Variants in PPARG observed in about 807,000 individuals in gnomAD.
The protein encoded by PPARG is peroxisome proliferator-activated receptor gamma.
Under a neutral mutation model 39.2 loss-of-function variants are expected in PPARG, and 17 were observed. That is an observed-to-expected ratio of 0.43 (90% CI 0.30 to 0.65). The LOEUF (loss-of-function observed/expected upper bound fraction) is 0.65, where lower values mean the gene tolerates loss of function less well. PPARG is among the 30% of genes least tolerant of loss of function. The probability of loss-of-function intolerance (pLI) is 0.13; values close to 1 mark genes in which losing one functional copy is unlikely to be tolerated. For synonymous variants in PPARG, 223 were observed against 215.7 expected, an observed-to-expected ratio of 1.03 and a Z score of -0.30; for missense variants, 406 against 585.9, an observed-to-expected ratio of 0.69 and a Z score of 3.17.
At chr3:12,324,450 T>C (rs1234759845) in intron 2 of PPARG, among the ~76,000 whole-genome samples, 1 of 152,170 alleles carries the variant, frequency 6.6e-6, no homozygotes, top group Non-Finnish European at 1.5e-5. Flanking sequence ...GTTACAACTA[T>C]ACTTTGAAAG....
upstream of PPARG, among the ~76,000 whole-genome samples, chr3:12,288,439 G>C (rs924927658): frequency 3.3e-5 from 5 of 151,972 alleles, no homozygotes; most frequent in African/African-American, 4.8e-5. Context: ...GGAGAGCGCC[G>C]GGTGGGCGCG....
chr3:12,359,287 A>C (rs1243403073), intron 2 of PPARG, among the ~76,000 whole-genome samples: 1 of 152,176 alleles, frequency 6.6e-6, no homozygotes, highest in African/African-American at 2.4e-5. Context: ...AGATATAGAG[A>C]AAGAAAAATG....
intron 2 of PPARG, among the ~76,000 whole-genome samples, chr3:12,341,443 T>G (rs1419539668): frequency 6.6e-6 from 1 of 152,236 alleles, no homozygotes; most frequent in Non-Finnish European, 1.5e-5. Flanking sequence ...GCAGTCTTCC[T>G]TTCTTGTAGG....
chr3:12,401,686 A>C (rs1367033578), intron 5 of PPARG, among the ~76,000 whole-genome samples: 1 of 151,312 alleles, frequency 6.6e-6, no homozygotes, highest in Non-Finnish European at 1.5e-5. Flanking sequence ...TGTATGTTTT[A>C]TGGGAATTTA....
chr3:12,303,375 A>G (rs1376522255), intron 1 of PPARG, among the ~76,000 whole-genome samples: 1 of 152,026 alleles, frequency 6.6e-6, no homozygotes, highest in Non-Finnish European at 1.5e-5. Context: ...TTTTAAAAGT[A>G]TTTTTAGTAG....
chr3:12,392,727 C>T lies in PPARG; in HGVS notation c.504C>T (p.Cys168=), dbSNP rs945743954. The T allele has an allele frequency of 9.3e-6, 15 of 1,613,668 alleles. No homozygotes were observed. In the African/African-American group the frequency reaches 1.7e-4, roughly 19 times the overall value. Residue 168 remains cysteine, a synonymous_variant, in exon 5 of 8, where the codon TGC becomes TGT. Transcript: ENST00000651735. The stretch of plus-strand genomic sequence containing the variant: ...GTCAGTACTGTCGGTTTCAGAAATG[C>T]CTTGCAGTGGGGATGTCTCATAATG... The part of the protein sequence containing the change: ...NKCQYCRFQK[C]LAVGMSHNAI...
intron 1 of PPARG, among the ~76,000 whole-genome samples, chr3:12,297,297 C>T (rs563184519): frequency 1.3e-5 from 2 of 152,096 alleles, no homozygotes; most frequent in South Asian, 4.2e-4. Context: ...TTGATTGGAA[C>T]CTTACAAAAA....
chr3:12,406,047 G>T lies in PPARG; in HGVS notation c.695G>T (p.Arg232Met). 1 of 1,614,114 alleles carries T rather than the reference G, an allele frequency of 6.2e-7. No homozygotes were observed. Among genetic ancestry groups the T allele is most frequent in the South Asian group, 1.1e-5 (1 of 91,074 alleles). The change falls in exon 6 of 8, where the codon AGG becomes ATG. Residue 232 changes from arginine (R) to methionine (M), a missense_variant. Transcript: ENST00000651735. ...TTCCCGCTGACCAAAGCAAAGGCGAGGGCGATCTTGACAGGAAAGACAACA... is the reference window on the plus strand; with the variant it reads ...TTCCCGCTGACCAAAGCAAAGGCGATGGCGATCTTGACAGGAAAGACAACA... Reference protein sequence around the residue: ...KSFPLTKAKARAILTGKTTDK... With the variant: ...KSFPLTKAKAMAILTGKTTDK...
intron 2 of PPARG, among the ~76,000 whole-genome samples, chr3:12,322,171 G>A (rs2047565131): frequency 6.6e-6 from 1 of 152,130 alleles, no homozygotes; most frequent in African/African-American, 2.4e-5. Flanking sequence ...CCCTTTACTA[G>A]CCACTTTTAA....
At chr3:12,372,198 C>T (rs558855722) in intron 2 of PPARG, 117 of 715,670 alleles carry the variant, frequency 1.6e-4, no homozygotes, top group Non-Finnish European at 2.6e-4. Context: ...CCCCTGCCCC[C>T]CTGCCTGCCT....
intron 2 of PPARG, among the ~76,000 whole-genome samples, chr3:12,324,481 A>G (rs886077919): frequency 2.0e-5 from 3 of 152,108 alleles, no homozygotes; most frequent in African/African-American, 7.2e-5. Flanking sequence ...CCTGGAAGAA[A>G]TCTCAAAAAA....
At chr3:12,334,030 A>G (rs2047937607) in intron 2 of PPARG, among the ~76,000 whole-genome samples, 1 of 152,074 alleles carries the variant, frequency 6.6e-6, no homozygotes, top group Non-Finnish European at 1.5e-5. Context: ...TGCAATTCTT[A>G]ATTCAAATCA....
At chr3:12,313,551 A>G (rs1305960104) in intron 2 of PPARG, among the ~76,000 whole-genome samples, 1 of 152,238 alleles carries the variant, frequency 6.6e-6, no homozygotes, top group East Asian at 1.9e-4. Flanking sequence ...ATCCAAAAAA[A>G]TTCAAAATCC....
intron 4 of PPARG, among the ~76,000 whole-genome samples, chr3:12,382,566 A>G (rs1187522415): frequency 6.6e-6 from 1 of 152,196 alleles, no homozygotes; most frequent in East Asian, 1.9e-4. Flanking sequence ...ATGGTGGGCC[A>G]AAAAAGGAAA....
chr3:12,354,193 A>G (rs1342426127), intron 2 of PPARG, among the ~76,000 whole-genome samples: 1 of 152,228 alleles, frequency 6.6e-6, no homozygotes, highest in African/African-American at 2.4e-5. Context: ...TCACCTTTCC[A>G]GAAGTTTAAA....
chr3:12,364,718 G>A (rs1341903806), intron 2 of PPARG, among the ~76,000 whole-genome samples: 2 of 152,150 alleles, frequency 1.3e-5, no homozygotes, highest in African/African-American at 4.8e-5. Context: ...TGGTGTTAGT[G>A]TTTTAGATTT....
intron 2 of PPARG, among the ~76,000 whole-genome samples, chr3:12,374,924 A>T (rs2049353474): frequency 6.6e-6 from 1 of 152,224 alleles, no homozygotes; most frequent in Non-Finnish European, 1.5e-5. Flanking sequence ...TAGCCATGAG[A>T]TGTACTACAA....
At chr3:12,354,822 C>T (rs1180001913) in intron 2 of PPARG, among the ~76,000 whole-genome samples, 6 of 151,676 alleles carry the variant, frequency 4.0e-5, no homozygotes, top group South Asian at 2.1e-4. Context: ...AAACAAAAAC[C>T]GCAGAACTCT....
At chr3:12,350,492 A>G (rs1484975807) in intron 2 of PPARG, among the ~76,000 whole-genome samples, 1 of 152,212 alleles carries the variant, frequency 6.6e-6, no homozygotes, top group Admixed American at 6.5e-5. Flanking sequence ...GCCTTCTAAT[A>G]TACTGCCCTG....
Sources: allele counts gnomAD v4.1 joint callset (sites outside exome capture counted in the v4.1 genomes callset), GRCh38; gene constraint gnomAD v4.1.1; transcripts MANE v1.5; gene names NCBI Gene and HGNC (gene_info 2026-07-23, HGNC 2026-07-21).